The following P4HA3 variants were observed in gnomAD, a reference collection of about 807,000 sequenced individuals.
The protein encoded by P4HA3 is prolyl 4-hydroxylase subunit alpha 3.
Under a neutral mutation model 66.7 loss-of-function variants are expected in P4HA3, and 60 were observed. The ratio of observed to expected loss-of-function variants is 0.90; its 90% CI spans 0.73 to 1.12. The LOEUF is 1.12. P4HA3 is among the 50% of genes most tolerant of loss of function. P4HA3 has a pLI of 0.00. For missense variants in P4HA3, 683 were observed against 685.8 expected, an observed-to-expected ratio of 1.00 and a Z score of 0.05; for synonymous variants, 263 against 274.6, an observed-to-expected ratio of 0.96 and a Z score of 0.42.
chr11:74,251,254 G>C (rs1339833409), intron 15 of P4HA3: 1 of 1,381,572 alleles, frequency 7.2e-7, no homozygotes, highest in African/African-American at 1.5e-5. Flanking sequence ...GGGCCCTGTG[G>C]TTAAGATCTT....
intron 11 of P4HA3, 144 bp from the exon 12 acceptor site, chr11:74,268,385 A>G (rs1860071095): frequency 1.5e-6 from 1 of 688,308 alleles, no homozygotes. Flanking sequence ...AATGGCACAA[A>G]ATGGCATAAG....
chr11:74,262,749 C>T (rs1859928151), downstream of P4HA3, among the ~76,000 whole-genome samples: 1 of 152,184 alleles, frequency 6.6e-6, no homozygotes, highest in African/African-American at 2.4e-5. Flanking sequence ...ATGTCCCTCT[C>T]TCCCCACCCC....
intron 9 of P4HA3, among the ~76,000 whole-genome samples, chr11:74,276,460 G>C (rs1860399188): frequency 6.6e-6 from 1 of 151,992 alleles, no homozygotes; most frequent in African/African-American, 2.4e-5. Flanking sequence ...GGCTGAGATG[G>C]GGGGATCACT....
chr11:74,251,173 G>T, intron 15 of P4HA3: 1 of 1,465,794 alleles, frequency 6.8e-7, no homozygotes, highest in Non-Finnish European at 9.0e-7. Flanking sequence ...ACTTCTCCCT[G>T]GCAGCTGCTT....
intron 2 of P4HA3, among the ~76,000 whole-genome samples, chr11:74,303,821 T>C (rs1861493130): frequency 1.3e-5 from 2 of 151,238 alleles, no homozygotes; most frequent in African/African-American, 4.9e-5. Context: ...TGACCTCAAG[T>C]GATCAGCCCA....
Position 74,311,513 on chromosome 11 carries a change from C to T in P4HA3, c.99G>A (p.Ala33=), listed in dbSNP as rs1861749736. 1 of 1,539,552 alleles carries T rather than the reference C, an allele frequency of 6.5e-7. No homozygotes were observed. The highest frequency in any genetic ancestry group is 2.5e-5 in the East Asian group (1 of 40,518). ...RAAARGDTFS[A]LTSVARALAP... is the part of the protein sequence containing the mutation. Reference sequence around the variant, plus strand: ...CCAGGGCGCGCGCCACGCTGGTCAGCGCCGAGAACGTGTCGCCCCGAGCCG... The same window carrying T: ...CCAGGGCGCGCGCCACGCTGGTCAGTGCCGAGAACGTGTCGCCCCGAGCCG... The change falls in exon 1 of 13, where the codon GCG becomes GCA. Residue 33 remains alanine (A), a synonymous_variant. Coordinates refer to ENST00000331597, the MANE Select transcript of P4HA3 (RefSeq NM_182904.5).
chr11:74,294,564 C>G (rs1018774761), intron 4 of P4HA3, among the ~76,000 whole-genome samples: 1 of 152,122 alleles, frequency 6.6e-6, no homozygotes, highest in Non-Finnish European at 1.5e-5. Flanking sequence ...GTTTTTTCCC[C>G]ATCTTTGTGG....
chr11:74,266,185 G>A (rs531671895), downstream of P4HA3, among the ~76,000 whole-genome samples: 37 of 152,204 alleles, frequency 2.4e-4, no homozygotes, highest in East Asian at 1.5e-3. Context: ...GAACGTAGCC[G>A]GGGACAGTGG....
Position 74,267,138 on chromosome 11 carries a change from A to G in P4HA3, c.*110T>C. 2 of 1,569,398 alleles carry G rather than the reference A, an allele frequency of 1.3e-6. No homozygotes were observed. The highest frequency in any genetic ancestry group is 1.7e-6 in the Non-Finnish European group (2 of 1,160,462). On this transcript the variant is annotated 3_prime_UTR_variant, in exon 13 of 13. Transcript: ENST00000331597. ...TTTGCGAGGCACAGACAAAGCTGAC[A>G]AGGCCTTCTTCCAGGAGGCTGCTCT...
chr11:74,288,934 G>C, intron 5 of P4HA3, 145 bp downstream of exon 5: 1 of 520,554 alleles, frequency 1.9e-6, no homozygotes, highest in Non-Finnish European at 3.0e-6. Context: ...GGGTGACAGA[G>C]GGAGATGCCA....
intron 15 of P4HA3, among the ~76,000 whole-genome samples, chr11:74,252,259 T>G (rs1178172325): frequency 6.6e-6 from 1 of 150,852 alleles, no homozygotes; most frequent in South Asian, 2.1e-4. Flanking sequence ...TTGTTTTTTT[T>G]TTTTTTTAGT....
In P4HA3 at chr11:74,290,895, T is replaced by C. The variant is rs186279435; in HGVS notation, c.718-1765A>G. Among the ~76,000 whole-genome samples the C allele has an allele frequency of 9.6e-3, 1,465 of 152,348 alleles. 23 individuals are homozygous for C. The highest frequency in any genetic ancestry group is 0.031 in the African/African-American group (1,305 of 41,566). ...AGGTAGTGTGATGCCTCCAGCTTTG[T>C]TCTTTTGGCTTAGGATTGACTTGGC... On this transcript the variant is annotated intron_variant, in intron 4 of 12. Transcript: ENST00000331597.
chr11:74,252,516 A>C (rs1416497872), intron 15 of P4HA3: 2 of 456,034 alleles, frequency 4.4e-6, no homozygotes, highest in African/African-American at 2.0e-5. Context: ...AAGCTGGCAG[A>C]ATATTAGCCA....
At position 74,302,487 on chromosome 11, in the gene P4HA3, T is replaced by G. The variant is rs1861439088; in HGVS notation, c.449A>C (p.Asn150Thr). 1.2e-6 allele frequency: 2 copies of G among 1,614,076 alleles called. No homozygotes were observed. The highest frequency in any genetic ancestry group is 8.5e-7 in the Non-Finnish European group (1 of 1,180,034). ...GACACCTCGGGCCAGGCCTTTCACATTGAGCATGTACACGTCCTGCAGCCG... is the reference window on the plus strand; with the variant it reads ...GACACCTCGGGCCAGGCCTTTCACAGTGAGCATGTACACGTCCTGCAGCCG... Reference protein sequence around the residue: ...LMRLQDVYMLNVKGLARGVFQ... With the variant: ...LMRLQDVYMLTVKGLARGVFQ... Residue 150 changes from asparagine (N) to threonine (T), a missense_variant, in exon 3 of 13, where the codon AAT (asparagine) becomes ACT (threonine). Coordinates refer to ENST00000331597, the MANE Select transcript of P4HA3 (RefSeq NM_182904.5).
intron 1 of P4HA3, 165 bp downstream of exon 1, chr11:74,311,247 C>T: frequency 2.4e-6 from 2 of 831,878 alleles, no homozygotes; most frequent in Non-Finnish European, 3.5e-6. Context: ...GAGCCACTCC[C>T]CACCCCATGC....
At chr11:74,264,910 C>G (rs1436729146), downstream of P4HA3, among the ~76,000 whole-genome samples, 1 of 152,182 alleles carries the variant, frequency 6.6e-6, no homozygotes, top group Non-Finnish European at 1.5e-5. Flanking sequence ...GCCAGACTTT[C>G]CTGTGTCTCA....
At chr11:74,252,546 G>T in intron 15 of P4HA3, 1 of 454,856 alleles carries the variant, frequency 2.2e-6, no homozygotes, top group South Asian at 1.6e-5. Flanking sequence ...GGTGATCCTG[G>T]AAGCTCTAGA....
chr11:74,287,376 A>G (rs1481995629), intron 5 of P4HA3: 31 of 1,218,628 alleles, frequency 2.5e-5, no homozygotes, highest in Non-Finnish European at 3.4e-5. Flanking sequence ...TGGAAATTAT[A>G]AGCCCAAACC....
At chr11:74,271,217 T>C (rs937162106) in intron 10 of P4HA3, among the ~76,000 whole-genome samples, 8 of 152,192 alleles carry the variant, frequency 5.3e-5, no homozygotes, top group African/African-American at 1.7e-4. Flanking sequence ...TGGTGACTAT[T>C]AGCATTCCTT....
Sources: gnomAD v4.1 joint callset for allele counts (sites outside exome capture counted in the v4.1 genomes callset) on GRCh38, gnomAD v4.1.1 for gene constraint, MANE v1.5 for transcripts, NCBI Gene and HGNC (gene_info 2026-07-23, HGNC 2026-07-21) for gene names.